Variants in MID1 observed in about 807,000 individuals in gnomAD.
The protein encoded by MID1 is E3 ubiquitin-protein ligase Midline-1.
A neutral mutation model predicts 40.4 loss-of-function variants in MID1; 7 were observed. The observed-to-expected ratio is 0.17, with a 90% CI of 0.10 to 0.33. MID1 has a LOEUF of 0.33. MID1 is among the 10% of genes least tolerant of loss of function. The pLI is 1.00. For synonymous variants in MID1, 229 were observed against 221.2 expected, an observed-to-expected ratio of 1.04 and a Z score of -0.31; for missense variants, 367 against 558.5, an observed-to-expected ratio of 0.66 and a Z score of 3.46.
At chrX:10,488,224 T>C (rs1258350336) in intron 4 of MID1, among the ~76,000 whole-genome samples, 2 of 111,105 alleles carry the variant, frequency 1.8e-5, no homozygotes, top group African/African-American at 6.6e-5. Flanking sequence ...CTCAAAGCAA[T>C]CCACCTGCCT....
At chrX:10,697,121 A>C (rs1315353452) in intron 1 of MID1, among the ~76,000 whole-genome samples, 1 of 111,865 alleles carries the variant, frequency 8.9e-6, no homozygotes, top group East Asian at 2.8e-4. Context: ...GAGATTGGAG[A>C]TTCCTTTAAT....
chrX:10,639,835 G>A (rs1379746977), intron 1 of MID1, among the ~76,000 whole-genome samples: 1 of 112,196 alleles, frequency 8.9e-6, no homozygotes, highest in Non-Finnish European at 1.9e-5. Context: ...AACTCTACAA[G>A]CCAGAAGGGA....
At position 10,716,159 on chromosome X, in the gene MID1, G is replaced by A. The variant is rs190779302; in HGVS notation, c.-186-95740C>T. ...CACCTCTCCTCCTACAAAGGAATGC[G>A]GCTCCTCACCAGCAATGGAACAAAG... On this transcript the variant is annotated intron_variant, in intron 1 of 10. Coordinates refer to the MID1 transcript ENST00000380785. Among the ~76,000 whole-genome samples, 8 of 112,078 alleles carry A rather than the reference G, an allele frequency of 7.1e-5. No homozygotes were observed. The East Asian group carries it at 8.4e-4, about 12-fold the overall frequency.
chrX:10,715,375 C>G (rs749386883), intron 1 of MID1, among the ~76,000 whole-genome samples: 4 of 112,265 alleles, frequency 3.6e-5, no homozygotes, highest in Non-Finnish European at 7.5e-5. Context: ...ATGGTCTTAG[C>G]AAACGGCACA....
intron 3 of MID1, chrX:10,506,217 G>A (rs1291461792): frequency 1.0e-6 from 1 of 962,297 alleles, no homozygotes; most frequent in Non-Finnish European, 1.3e-6. Context: ...TGAGTTTAGA[G>A]AAATTGAACA....
chrX:10,501,202 G>C (rs186988182), intron 3 of MID1, among the ~76,000 whole-genome samples: 1 of 111,287 alleles, frequency 9.0e-6, no homozygotes, highest in African/African-American at 3.3e-5. Context: ...CCAGCTAATC[G>C]GGAGGCAGAG....
chrX:10,568,354 G>A (rs773306473), intron 1 of MID1, among the ~76,000 whole-genome samples: 1 of 111,674 alleles, frequency 9.0e-6, no homozygotes, highest in Non-Finnish European at 1.9e-5. Flanking sequence ...AAATATCTGG[G>A]GGCTTTTTCA....
intron 1 of MID1, among the ~76,000 whole-genome samples, chrX:10,756,153 A>G (rs1215567492): frequency 6.3e-5 from 7 of 111,980 alleles, no homozygotes; most frequent in Non-Finnish European, 1.3e-4. Context: ...ATGCAAAATT[A>G]AGAGCATATA....
At chrX:10,754,799 G>A (rs959158967) in intron 1 of MID1, among the ~76,000 whole-genome samples, 3 of 111,597 alleles carry the variant, frequency 2.7e-5, no homozygotes, top group Non-Finnish European at 5.6e-5. Flanking sequence ...GAAAAGTCTC[G>A]TTATTGAAAA....
At chrX:10,461,828 T>TTTAA (rs1418379489) in intron 7 of MID1, among the ~76,000 whole-genome samples, 1 of 112,298 alleles carries the variant, frequency 8.9e-6, no homozygotes, top group Non-Finnish European at 1.9e-5. Flanking sequence ...ACTGTTCCTG[T>TTTAA]TTAATTGAAT....
chrX:10,641,989 A>G (rs182283699), intron 1 of MID1, among the ~76,000 whole-genome samples: 8 of 112,119 alleles, frequency 7.1e-5, no homozygotes, highest in African/African-American at 2.3e-4. Context: ...AAAACTCTCA[A>G]TAAACTAGGT....
intron 2 of MID1, among the ~76,000 whole-genome samples, chrX:10,524,178 G>C (rs758998286): frequency 9.0e-6 from 1 of 111,709 alleles, no homozygotes; most frequent in Non-Finnish European, 1.9e-5. Flanking sequence ...TATTCCTTTA[G>C]AGCATCAAAC....
chrX:10,592,880 AC>A (rs1465493301), intron 1 of MID1, among the ~76,000 whole-genome samples: 2 of 112,239 alleles, frequency 1.8e-5, no homozygotes, highest in African/African-American at 6.5e-5. Context: ...TTGCATAACT[AC>A]AAATCACATA....
At chrX:10,468,445 G>T (rs1222881237) in intron 7 of MID1, among the ~76,000 whole-genome samples, 1 of 112,472 alleles carries the variant, frequency 8.9e-6, no homozygotes, top group Non-Finnish European at 1.9e-5. Context: ...GAGAGAAAAG[G>T]TTTATATAAT....
At chrX:10,661,090 CA>C in intron 1 of MID1, among the ~76,000 whole-genome samples, 1 of 111,112 alleles carries the variant, frequency 9.0e-6, no homozygotes, top group East Asian at 2.8e-4. Context: ...AAGCTTGATC[CA>C]ACTGTGACAC....
rs754406322 is a variant in MID1 at position 10,767,115 on chromosome X, A to C, written c.-187+66439T>G. ...CTCAGTCAGCCTGTAATGGAAATTC[A>C]ATGCAGGCAATAAATGAATTTCATA... On this transcript the variant is annotated intron_variant, in intron 1 of 10. Transcript: ENST00000380785. Among the ~76,000 whole-genome samples the C allele has an allele frequency of 2.1e-4, 23 of 110,638 alleles. No individual in the cohort carries two copies. The South Asian group carries it at 8.9e-3, about 43-fold the overall frequency.
At chrX:10,672,658 T>C (rs1005622499) in intron 1 of MID1, among the ~76,000 whole-genome samples, 1 of 111,606 alleles carries the variant, frequency 9.0e-6, no homozygotes, top group African/African-American at 3.3e-5. Context: ...TTTAGATCCA[T>C]TTTGTGCTTC....
upstream of MID1, among the ~76,000 whole-genome samples, chrX:10,623,831 G>A (rs1935968107): frequency 8.9e-6 from 1 of 111,904 alleles, no homozygotes; most frequent in African/African-American, 3.2e-5. Flanking sequence ...CAGTACAAGT[G>A]CACAGACTTT....
At chrX:10,801,636 G>A (rs1342955660) in intron 1 of MID1, among the ~76,000 whole-genome samples, 1 of 111,808 alleles carries the variant, frequency 8.9e-6, no homozygotes, top group Non-Finnish European at 1.9e-5. Context: ...TGGGATAGCT[G>A]GCTAGCCATA....
Sources: allele counts gnomAD v4.1 joint callset (sites outside exome capture counted in the v4.1 genomes callset), GRCh38; gene constraint gnomAD v4.1.1; transcripts MANE v1.5; gene names NCBI Gene and HGNC (gene_info 2026-07-23, HGNC 2026-07-21).